Variants in FPGS observed in about 807,000 individuals in gnomAD.
FPGS encodes the protein folylpolyglutamate synthase.
Under a neutral mutation model 66.5 loss-of-function variants are expected in FPGS, and 53 were observed. The observed-to-expected ratio is 0.80, with a 90% confidence interval of 0.64 to 1.00. The LOEUF is 1.00. Ranked by LOEUF, FPGS falls within the 50% of genes least tolerant of loss-of-function variation. The pLI, the probability that FPGS is intolerant of heterozygous loss-of-function variation, is 0.00. For synonymous variants in FPGS, 348 were observed against 350.9 expected (o/e 0.99, Z 0.09); for missense variants, 702 against 807.7 (o/e 0.87, Z 1.59).
Position 127,807,586 on chromosome 9 carries a change from G to A in FPGS, c.642G>A (p.Arg214=). ...GGAYDCTNII[R]KPVVCGVSSL... ...CTCATGGCCTTTTCCTCCCCTGCAG[G>A]AAGCCTGTGGTGTGCGGAGTCTCCT... The change falls in exon 8 of 15, where the codon AGG becomes AGA. Residue 214 remains arginine (R), a splice_region_variant and synonymous_variant. Transcript: ENST00000373247. The surrounding 1 kb of genome is among the most constrained non-coding windows in gnomAD (Gnocchi z 5.8). The A allele has an allele frequency of 6.2e-7, 1 of 1,613,524 alleles. No homozygotes were observed. The highest frequency in any genetic ancestry group is 1.3e-5 in the African/African-American group (1 of 75,014).
In FPGS at chr9:127,806,975, C is replaced by G. The variant is rs1159090154; in HGVS notation, c.389C>G (p.Ser130Cys). The G allele has an allele frequency of 1.2e-6, 2 of 1,613,526 alleles. No individual in the cohort carries two copies. Among genetic ancestry groups the G allele is most frequent in the Admixed American group, 3.3e-5 (2 of 60,022 alleles). ...GATGACCCCAGCTGTCCCGGCAGCT[C>G]TCCCCACCTGGTGCAGGTTCGGGAG... ...SYGLKTGFFS[S>C]PHLVQVRERI... is the part of the protein sequence containing the mutation. Residue 130 changes from serine to cysteine, a missense_variant and splice_region_variant, in exon 5 of 15, where the codon TCT (serine) becomes TGT (cysteine). Coordinates refer to ENST00000373247, the MANE Select transcript of FPGS (RefSeq NM_004957.6).
chr9:127,802,961 T>C lies in FPGS; in HGVS notation c.37T>C (p.Phe13Leu), dbSNP rs759336102. Residue 13 changes from phenylalanine to leucine, a missense_variant, in exon 1 of 15, where the codon TTC (phenylalanine) becomes CTC (leucine). By Grantham distance (22) the Phe-to-Leu change is conservative. Around this residue, in one of 3 missense-constraint regions of FPGS, gnomAD observed 111 missense variants for 95.4 expected, o/e 1.16. Transcript: ENST00000373247. ...RARSHLRAAL[F>L]LAAASARGIT... is the part of the protein sequence containing the mutation. ...GCGGAGCCACCTGCGCGCCGCTCTA[T>C]TCCTGGCAGCGGCGTCTGCGCGCGG... 1.4e-5 allele frequency: 21 copies of C among 1,449,106 alleles called. No individual in the cohort carries two copies. In the Admixed American group the frequency reaches 5.4e-4, roughly 37 times the overall value. The allele number at this position is 1,449,106 out of a possible 1,614,324, so 89.8% of individuals were successfully genotyped here. A position where few individuals can be genotyped will look rare whatever the true frequency, so the allele number is the denominator to read the frequency against.
chr9:127,809,022 T>C (rs1280493749), intron 11 of FPGS, 133 bp downstream of exon 11: 15 of 703,996 alleles, frequency 2.1e-5, no homozygotes, highest in Admixed American at 8.9e-5. Flanking sequence ...GAGAAAGGAC[T>C]CTGATGTCAG....
In FPGS at chr9:127,809,730, CG is replaced by C; in HGVS notation, c.1110del (p.Leu372SerfsTer54). 1 of 1,587,114 alleles carries C rather than the reference CG, an allele frequency of 6.3e-7. No individual in the cohort carries two copies. On this transcript the variant is annotated frameshift_variant, in exon 12 of 15. Coordinates refer to ENST00000373247, the MANE Select transcript of FPGS (RefSeq NM_004957.6). LOFTEE classifies it high-confidence loss of function. Reference protein sequence around the residue: ...WPGRTQVLRRGPLTWYLDGAH... With the variant: ...WPGRTQVLRRXPLTWYLDGAH... ...CGGGCCGGACGCAGGTGCTGCGGCG[CG>C]GGCCCCTCACCTGGTACCTGGACGG...
intron 4 of FPGS, chr9:127,804,926 T>C (rs1171258018): frequency 1.9e-6 from 1 of 517,628 alleles, no homozygotes; most frequent in Non-Finnish European, 3.5e-6. Flanking sequence ...TCTCACTCTA[T>C]CGCCCAGGCT....
intron 4 of FPGS, chr9:127,806,752 G>A: frequency 1.7e-6 from 1 of 573,302 alleles, no homozygotes; most frequent in South Asian, 2.0e-5. Context: ...TCTTAGTTGA[G>A]ACCAACGTGG....
chr9:127,809,784 C>A lies in FPGS; in HGVS notation c.1161C>A (p.Ala387=), dbSNP rs1328186487. 1 of 1,540,344 alleles carries A rather than the reference C, an allele frequency of 6.5e-7. No individual in the cohort carries two copies. The highest frequency in any genetic ancestry group is 1.4e-5 in the African/African-American group (1 of 70,382). The stretch of plus-strand genomic sequence containing the variant: ...CGCACACCGCCAGCAGCGCGCAGGC[C>A]TGCGTGCGCTGGTTCCGCCAGGCGC... ...DGAHTASSAQ[A]CVRWFRQALQ... is the part of the protein sequence containing the mutation. The change falls in exon 12 of 15, where the codon GCC becomes GCA. Residue 387 remains alanine, a synonymous_variant. Transcript: ENST00000373247.
chr9:127,808,164 A>G (rs1829895492), intron 8 of FPGS, 70 bp from the exon 9 acceptor site: 3 of 1,150,174 alleles, frequency 2.6e-6, no homozygotes, highest in Non-Finnish European at 3.9e-6. Flanking sequence ...AGACCCAGGG[A>G]TGTGGGGGCC....
chr9:127,804,842 C>A, intron 4 of FPGS, 142 bp downstream of exon 4: 8 of 765,426 alleles, frequency 1.0e-5, no homozygotes, highest in Non-Finnish European at 1.8e-5. Context: ...ATTCAATAAA[C>A]ATTCAGTTAG....
At chr9:127,804,754 T>C (rs1023515365) in intron 4 of FPGS, 54 bp downstream of exon 4, 3 of 1,583,052 alleles carry the variant, frequency 1.9e-6, no homozygotes, top group Admixed American at 1.7e-5. Context: ...CCTGGGGGGC[T>C]ATGGAACCAG....
In FPGS at chr9:127,808,681, T is replaced by C; in HGVS notation, c.946T>C (p.Trp316Arg). The change falls in exon 10 of 15, where the codon TGG becomes CGG. Residue 316 changes from tryptophan (W) to arginine (R), a missense_variant. By Grantham distance (101) the Trp-to-Arg change is moderately radical. Around this residue, in one of 3 missense-constraint regions of FPGS, gnomAD observed 240 missense variants for 348.6 expected, o/e 0.69. Transcript: ENST00000373247. ...CTTGGCCTTGCAGCTGGCCCACTGCTGGCTGCAGCGGCAGGACCGCCATGG... is the reference window on the plus strand; with the variant it reads ...CTTGGCCTTGCAGCTGGCCCACTGCCGGCTGCAGCGGCAGGACCGCCATGG... The part of the protein sequence containing the change: ...AALALQLAHC[W>R]LQRQDRHGAG... The C allele has an allele frequency of 6.3e-7, 1 of 1,596,236 alleles. No homozygotes were observed.
At position 127,806,906 on chromosome 9, in the gene FPGS, C is replaced by T. The variant is rs1238573648; in HGVS notation, c.387-67C>T. ...GGCACGGAGGCCAGTAGCATCAGTC[C>T]CTGCAGGGTGGGGGAAGGCCAGGAC... On this transcript the variant is annotated intron_variant, in intron 4 of 14. Coordinates refer to ENST00000373247, the MANE Select transcript of FPGS (RefSeq NM_004957.6). 5.9e-6 allele frequency: 7 copies of T among 1,189,668 alleles called. No homozygotes were observed. The Admixed American group carries it at 8.4e-5, about 14-fold the overall frequency. 73.7% of individuals were successfully genotyped at this position (1,189,668 alleles called of 1,614,324 possible). A position where few individuals can be genotyped will look rare whatever the true frequency, so the allele number is the denominator to read the frequency against.
At chr9:127,803,131 A>G in intron 1 of FPGS, 69 bp downstream of exon 1, 1 of 1,261,500 alleles carries the variant, frequency 7.9e-7, no homozygotes, top group Non-Finnish European at 1.0e-6. Context: ...GAGCCGCAGA[A>G]CATCCGGGCT....
Position 127,807,773 on chromosome 9 carries a change from C to A in FPGS, c.744+85C>A. On this transcript the variant is annotated intron_variant, in intron 8 of 14. Coordinates refer to ENST00000373247, the MANE Select transcript of FPGS (RefSeq NM_004957.6). The surrounding 1 kb of genome is among the most constrained non-coding windows in gnomAD (Gnocchi z 5.8). ...TCCTGGCTTCACTGTGTGACTGGAA[C>A]AAGTTGAGTCTCCTCTCCAGACTAT... 1.2e-6 allele frequency: 1 copy of A among 823,526 alleles called. No homozygotes were observed. Among genetic ancestry groups the A allele is most frequent in the Non-Finnish European group, 1.9e-6 (1 of 522,704 alleles). 51.0% of individuals were successfully genotyped at this position (823,526 alleles called of 1,614,324 possible).
In FPGS at chr9:127,814,052, T is replaced by G. The variant is rs1004713415; in HGVS notation, c.*448T>G. 3.0e-6 allele frequency: 3 copies of G among 995,142 alleles called. No homozygotes were observed. Among genetic ancestry groups the G allele is most frequent in the Non-Finnish European group, 3.6e-6 (3 of 836,956 alleles). The allele number at this position is 995,142 out of a possible 1,614,324, so 61.6% of individuals were successfully genotyped here. A position where few individuals can be genotyped will look rare whatever the true frequency, so the allele number is the denominator to read the frequency against. On this transcript the variant is annotated 3_prime_UTR_variant, in exon 15 of 15. Transcript: ENST00000373247. ...GCTGGAGTGAATTAAAGCCTTTGTTTTTTAAAGAAATGGCAAAGCCTTCGA... is the reference window on the plus strand; with the variant it reads ...GCTGGAGTGAATTAAAGCCTTTGTTGTTTAAAGAAATGGCAAAGCCTTCGA...
rs1049343510 is a variant in FPGS, at chr9:127,813,700, G to A, written c.*96G>A. The A allele has an allele frequency of 1.4e-5, 20 of 1,421,476 alleles. No individual in the cohort carries two copies. In the Admixed American group the frequency reaches 2.9e-4, roughly 21 times the overall value. The allele number at this position is 1,421,476 out of a possible 1,614,324, so 88.1% of individuals were successfully genotyped here. A position where few individuals can be genotyped will look rare whatever the true frequency, so the allele number is the denominator to read the frequency against. ...GTGCCTTTTGTTTTTGGCTTTCCTG[G>A]TTCTGTCTAGACTGGCCTAGGGGCC... is the stretch of plus-strand genomic sequence containing the variant. On this transcript the variant is annotated 3_prime_UTR_variant, in exon 15 of 15. Transcript: ENST00000373247.
At chr9:127,803,210 G>C (rs1829675941) in intron 1 of FPGS, 148 bp downstream of exon 1, 1 of 1,256,400 alleles carries the variant, frequency 8.0e-7, no homozygotes, top group Non-Finnish European at 1.0e-6. Flanking sequence ...CTGGAGGCTG[G>C]GGGTGGGGAC....
intron 1 of FPGS, among the ~76,000 whole-genome samples, chr9:127,803,716 G>A (rs1829698878): frequency 6.6e-6 from 1 of 152,096 alleles, no homozygotes; most frequent in Non-Finnish European, 1.5e-5. Flanking sequence ...TAAGGGGAAT[G>A]AAATAGCACC....
chr9:127,810,132 G>A (rs1830011198), intron 13 of FPGS, 26 bp downstream of exon 13: 14 of 1,603,676 alleles, frequency 8.7e-6, no homozygotes, highest in Non-Finnish European at 1.2e-5. Context: ...GGGGGTGGGC[G>A]GCAGGCAGTC....
Sources: gnomAD v4.1 joint callset for allele counts (sites outside exome capture counted in the v4.1 genomes callset) on GRCh38, gnomAD v4.1.1 for gene constraint, gnomAD v4.1.1 regional missense constraint, Gnocchi (gnomAD v3.1) non-coding constraint, MANE v1.5 for transcripts, NCBI Gene and HGNC (gene_info 2026-07-23, HGNC 2026-07-21) for gene names.